The following RIT2 variants were observed in gnomAD, a reference collection of about 807,000 sequenced individuals.
RIT2 encodes Ras like without CAAX 2, also known as GTP-binding protein Rit2.
A neutral mutation model predicts 23.7 loss-of-function variants in RIT2; 24 were observed. The observed-to-expected ratio is 1.01, with a 90% CI of 0.73 to 1.43. The LOEUF (loss-of-function observed/expected upper bound fraction) is 1.43. Ranked by LOEUF, RIT2 falls within the 40% of genes most tolerant of loss-of-function variation. RIT2 has a pLI of 0.00. For synonymous variants in RIT2, 107 were observed against 91.1 expected (o/e 1.17, Z -0.99); for missense variants, 236 against 266.9 (o/e 0.88, Z 0.81).
At chr18:42,918,275 G>C (rs1241507370) in intron 4 of RIT2, among the ~76,000 whole-genome samples, 1 of 152,128 alleles carries the variant, frequency 6.6e-6, no homozygotes, top group Non-Finnish European at 1.5e-5. Context: ...TCAAATTCCA[G>C]TTCTACAACC....
chr18:42,859,074 A>G lies in RIT2; in HGVS notation c.426+64498T>C, dbSNP rs542471457. ...TATTTCTTTTGGGTGTATACTTTTG[A>G]GTGGAACTGACAAGTCATTTGGTAA... On this transcript the variant is annotated intron_variant, in intron 4 of 4. Transcript: ENST00000326695. Among the ~76,000 whole-genome samples, 7 of 152,238 alleles carry G rather than the reference A, an allele frequency of 4.6e-5. No individual in the cohort carries two copies. In the East Asian group the frequency reaches 1.4e-3, roughly 29 times the overall value.
chr18:43,100,174 G>A (rs1370622831), intron 1 of RIT2, among the ~76,000 whole-genome samples: 1 of 152,058 alleles, frequency 6.6e-6, no homozygotes, highest in Non-Finnish European at 1.5e-5. Flanking sequence ...TTTTTCAATA[G>A]AATAGGCTGG....
At chr18:42,917,881 C>A (rs1483813926) in intron 4 of RIT2, among the ~76,000 whole-genome samples, 4 of 152,108 alleles carry the variant, frequency 2.6e-5, no homozygotes, top group Non-Finnish European at 4.4e-5. Context: ...GAGAGACCAT[C>A]TTGACCACCC....
intron 1 of RIT2, among the ~76,000 whole-genome samples, chr18:43,034,400 G>A (rs1249222418): frequency 2.6e-5 from 4 of 151,366 alleles, no homozygotes; most frequent in African/African-American, 7.3e-5. Context: ...TTATGTTATC[G>A]ACCACCTTTT....
intron 3 of RIT2, among the ~76,000 whole-genome samples, chr18:42,953,698 G>C (rs1909907241): frequency 6.6e-6 from 1 of 152,156 alleles, no homozygotes; most frequent in Non-Finnish European, 1.5e-5. Flanking sequence ...ATTTCCCACA[G>C]TTGCTTTCCC....
At chr18:43,029,540 C>T (rs1313963534) in intron 2 of RIT2, among the ~76,000 whole-genome samples, 4 of 151,922 alleles carry the variant, frequency 2.6e-5, no homozygotes, top group Non-Finnish European at 5.9e-5. Flanking sequence ...AATGTAATGA[C>T]CTCAAGTCAT....
chr18:42,800,677 C>T (rs980352838), intron 4 of RIT2, among the ~76,000 whole-genome samples: 1 of 151,924 alleles, frequency 6.6e-6, no homozygotes, highest in Non-Finnish European at 1.5e-5. Flanking sequence ...CTACAGGCAC[C>T]CGCCCCCACG....
intron 3 of RIT2, among the ~76,000 whole-genome samples, chr18:42,952,644 G>A (rs886358145): frequency 3.3e-5 from 5 of 152,014 alleles, no homozygotes; most frequent in South Asian, 2.1e-4. Context: ...CTGTACAGCC[G>A]TTTGTATGTC....
chr18:42,954,377 A>G (rs1211870165), intron 3 of RIT2, among the ~76,000 whole-genome samples: 1 of 81,868 alleles, frequency 1.2e-5, no homozygotes, highest in Non-Finnish European at 2.1e-5. Context: ...TCCAACTCAA[A>G]AAAAAAAAAA....
intron 1 of RIT2, among the ~76,000 whole-genome samples, chr18:43,060,156 G>A (rs1912611270): frequency 6.6e-6 from 1 of 152,106 alleles, no homozygotes. Flanking sequence ...ACTTTAGAGA[G>A]GATAGCATTC....
chr18:42,776,593 T>G (rs2143924418), intron 4 of RIT2, among the ~76,000 whole-genome samples: 1 of 152,286 alleles, frequency 6.6e-6, no homozygotes, highest in African/African-American at 2.4e-5. Context: ...CAATATCAAA[T>G]ATCTTATTTA....
intron 4 of RIT2, among the ~76,000 whole-genome samples, chr18:42,904,180 C>G (rs1225666096): frequency 6.6e-6 from 1 of 152,014 alleles, no homozygotes; most frequent in East Asian, 1.9e-4. Flanking sequence ...GAAAAAAGTA[C>G]TCTATTTCTA....
At chr18:42,867,493 G>A (rs1339549522) in intron 4 of RIT2, among the ~76,000 whole-genome samples, 1 of 151,944 alleles carries the variant, frequency 6.6e-6, no homozygotes, top group Non-Finnish European at 1.5e-5. Context: ...GCAGGTGATT[G>A]GGGAAAAAAA....
At chr18:42,860,470 G>C (rs778843833) in intron 4 of RIT2, among the ~76,000 whole-genome samples, 1 of 152,156 alleles carries the variant, frequency 6.6e-6, no homozygotes, top group Non-Finnish European at 1.5e-5. Flanking sequence ...ATTTTTTCCA[G>C]TGTTCTCATT....
At chr18:42,835,118 T>G (rs1307466996) in intron 4 of RIT2, among the ~76,000 whole-genome samples, 1 of 152,120 alleles carries the variant, frequency 6.6e-6, no homozygotes, top group African/African-American at 2.4e-5. Context: ...TAGAGTAAGA[T>G]TTCAGGTCAA....
chr18:43,004,869 A>G (rs1911192143), intron 2 of RIT2, among the ~76,000 whole-genome samples: 1 of 151,864 alleles, frequency 6.6e-6, no homozygotes, highest in Non-Finnish European at 1.5e-5. Flanking sequence ...CTCAATTACT[A>G]TGCTGTGCTC....
chr18:43,068,630 T>A (rs114994875), intron 1 of RIT2, among the ~76,000 whole-genome samples: 1 of 152,086 alleles, frequency 6.6e-6, no homozygotes, highest in Non-Finnish European at 1.5e-5. Flanking sequence ...AAAGGTAATA[T>A]TGTTTTGGCA....
At chr18:42,749,985 G>A (rs1913008986) in intron 4 of RIT2, among the ~76,000 whole-genome samples, 1 of 151,660 alleles carries the variant, frequency 6.6e-6, no homozygotes, top group Non-Finnish European at 1.5e-5. Context: ...CAGGAGACTT[G>A]ATAACTAATT....
intron 3 of RIT2, among the ~76,000 whole-genome samples, chr18:42,925,552 C>T (rs945097600): frequency 6.6e-6 from 1 of 151,876 alleles, no homozygotes; most frequent in Non-Finnish European, 1.5e-5. Context: ...GTTTATGCTA[C>T]TTTCTGATTA....
Sources: allele counts gnomAD v4.1 joint callset (sites outside exome capture counted in the v4.1 genomes callset), GRCh38; gene constraint gnomAD v4.1.1; transcripts MANE v1.5; gene names NCBI Gene and HGNC (gene_info 2026-07-23, HGNC 2026-07-21).